Variants in RGS5 observed in about 807,000 individuals in gnomAD.
The protein encoded by RGS5 is regulator of G protein signaling 5.
In RGS5, 20 loss-of-function variants were observed where a neutral mutation model predicts 18.9. The observed-to-expected ratio is 1.06, with a 90% CI of 0.74 to 1.54. The LOEUF (loss-of-function observed/expected upper bound fraction) is 1.54, where lower values mean the gene tolerates loss of function less well. RGS5 is among the 40% of genes most tolerant of loss of function. RGS5 has a pLI of 0.00. For synonymous variants in RGS5, 57 were observed against 76.2 expected, an observed-to-expected ratio of 0.75 and a Z score of 1.31; for missense variants, 201 against 211.8, an observed-to-expected ratio of 0.95 and a Z score of 0.32.
At chr1:163,152,298 C>T (rs1274995137) in intron 4 of RGS5, among the ~76,000 whole-genome samples, 1 of 152,152 alleles carries the variant, frequency 6.6e-6, no homozygotes, top group Non-Finnish European at 1.5e-5. Flanking sequence ...TGCAAGATTT[C>T]ACATTGGTAT....
intron 2 of RGS5, among the ~76,000 whole-genome samples, chr1:163,291,848 G>A (rs904920546): frequency 6.6e-6 from 1 of 152,116 alleles, no homozygotes; most frequent in African/African-American, 2.4e-5. Context: ...CCTGAGCGGT[G>A]TGGCCAGACT....
chr1:163,319,982 AAC>A (rs1273831828), intron 1 of RGS5, among the ~76,000 whole-genome samples: 1 of 152,206 alleles, frequency 6.6e-6, no homozygotes, highest in African/African-American at 2.4e-5. Context: ...AATTTGAATA[AAC>A]ACTCATTTTT....
At chr1:163,199,835 C>T (rs530283210) in intron 1 of RGS5, among the ~76,000 whole-genome samples, 14 of 152,066 alleles carry the variant, frequency 9.2e-5, no homozygotes, top group African/African-American at 2.9e-4. Flanking sequence ...GAGACAGGCT[C>T]TTGCTCTGTT....
At chr1:163,206,737 G>C (rs1659964162), upstream of RGS5, 1 of 151,330 alleles carries the variant, frequency 6.6e-6, no homozygotes, top group Non-Finnish European at 1.5e-5. Flanking sequence ...GCAGAGAGCA[G>C]CTCTCATCAG....
chr1:163,188,878 G>A (rs1659212632), intron 1 of RGS5, among the ~76,000 whole-genome samples: 1 of 149,598 alleles, frequency 6.7e-6, no homozygotes, highest in African/African-American at 2.5e-5. Flanking sequence ...GCTTAAACCT[G>A]GGAGACAGAG....
rs1173433754 is a variant in RGS5 at position 163,142,304 on chromosome 1, T to C, written c.*5038A>G. The C allele has an allele frequency of 2.0e-5, 3 of 152,188 alleles. No homozygotes were observed. The highest frequency in any genetic ancestry group is 4.4e-5 in the Non-Finnish European group (3 of 68,032). The allele number at this position is 152,188 out of a possible 1,614,324, so 9.4% of individuals were successfully genotyped here. A position where few individuals can be genotyped will look rare whatever the true frequency, so the allele number is the denominator to read the frequency against. ...GTCAAGGAGGACTCATATGAGGCTGTTATATAGATATATATTTAATATAAT... is the reference window on the plus strand; with the variant it reads ...GTCAAGGAGGACTCATATGAGGCTGCTATATAGATATATATTTAATATAAT... On this transcript the variant is annotated 3_prime_UTR_variant, in exon 5 of 5. Coordinates refer to ENST00000313961, the MANE Select transcript of RGS5 (RefSeq NM_003617.4).
chr1:163,311,951 T>A (rs1168571467), intron 1 of RGS5, among the ~76,000 whole-genome samples: 3 of 152,124 alleles, frequency 2.0e-5, no homozygotes, highest in Non-Finnish European at 4.4e-5. Flanking sequence ...TGAAGTGCAA[T>A]AAAACAAGAT....
At chr1:163,308,011 C>T (rs1216754494) in intron 1 of RGS5, among the ~76,000 whole-genome samples, 3 of 152,144 alleles carry the variant, frequency 2.0e-5, no homozygotes, top group Non-Finnish European at 2.9e-5. Context: ...AATCTGCATC[C>T]TAATCACTTG....
At chr1:163,273,438 T>C (rs956384977) in intron 2 of RGS5, among the ~76,000 whole-genome samples, 2 of 152,164 alleles carry the variant, frequency 1.3e-5, no homozygotes, top group African/African-American at 4.8e-5. Context: ...AAAATTATTA[T>C]ATCTTCCTGA....
At chr1:163,172,079 A>C (rs1349837484) in intron 1 of RGS5, among the ~76,000 whole-genome samples, 2 of 152,166 alleles carry the variant, frequency 1.3e-5, no homozygotes, top group Admixed American at 6.6e-5. Context: ...AAGGGATGTA[A>C]AAGTAGTTTG....
chr1:163,294,202 ATTGCCCTAG>A (rs1553227410), intron 2 of RGS5, among the ~76,000 whole-genome samples: 1 of 152,148 alleles, frequency 6.6e-6, no homozygotes, highest in Non-Finnish European at 1.5e-5. Context: ...TCCTTTCTGC[ATTGCCCTAG>A]TAGAGGTTCT....
At chr1:163,199,617 C>T (rs1337916253) in intron 1 of RGS5, among the ~76,000 whole-genome samples, 1 of 152,032 alleles carries the variant, frequency 6.6e-6, no homozygotes, top group Non-Finnish European at 1.5e-5. Flanking sequence ...TAAAGAGTTG[C>T]TGTCAAAAAC....
intron 2 of RGS5, among the ~76,000 whole-genome samples, chr1:163,274,086 T>C (rs1648790271): frequency 6.6e-6 from 1 of 152,156 alleles, no homozygotes; most frequent in Non-Finnish European, 1.5e-5. Flanking sequence ...TGGCCCCTGG[T>C]TCCTGACATA....
chr1:163,286,142 C>T (rs1649142042), intron 2 of RGS5, among the ~76,000 whole-genome samples: 1 of 151,892 alleles, frequency 6.6e-6, no homozygotes, highest in Admixed American at 6.6e-5. Context: ...CCCAATAAAA[C>T]AATGACAAAA....
upstream of RGS5, among the ~76,000 whole-genome samples, chr1:163,220,226 CTA>C (rs528902324): frequency 3.7e-4 from 56 of 152,210 alleles, no homozygotes; most frequent in East Asian, 0.01. Context: ...CAATTATTCT[CTA>C]TGTTTTTCTA....
intron 1 of RGS5, among the ~76,000 whole-genome samples, chr1:163,169,510 C>A (rs1262127937): frequency 6.6e-6 from 1 of 152,134 alleles, no homozygotes; most frequent in Non-Finnish European, 1.5e-5. Context: ...TTCTCCACAT[C>A]CTCTCCAGCA....
chr1:163,281,091 A>G (rs905111549), intron 2 of RGS5, among the ~76,000 whole-genome samples: 4 of 152,004 alleles, frequency 2.6e-5, no homozygotes, highest in African/African-American at 9.7e-5. Flanking sequence ...ATGGTTTTAA[A>G]AATGGGAGTT....
At chr1:163,168,454 A>C (rs1367238848) in intron 1 of RGS5, 86 bp from the exon 2 acceptor site, 1 of 910,634 alleles carries the variant, frequency 1.1e-6, no homozygotes, top group Non-Finnish European at 1.7e-6. Context: ...TCAGAGAAAC[A>C]AAAATGAACA....
At chr1:163,241,248 T>C (rs1168545218) in intron 2 of RGS5, among the ~76,000 whole-genome samples, 1 of 152,244 alleles carries the variant, frequency 6.6e-6, no homozygotes, top group African/African-American at 2.4e-5. Flanking sequence ...AGATTGTTGT[T>C]GTTGTTGTTC....
Sources: gnomAD v4.1 joint callset for allele counts (sites outside exome capture counted in the v4.1 genomes callset) on GRCh38, gnomAD v4.1.1 for gene constraint, MANE v1.5 for transcripts, NCBI Gene and HGNC (gene_info 2026-07-23, HGNC 2026-07-21) for gene names.